The following GRHL2 variants were observed in gnomAD, a reference collection of about 807,000 sequenced individuals.
The protein encoded by GRHL2 is grainyhead like transcription factor 2.
GRHL2 carries 21 observed loss-of-function variants against 83.8 expected under a neutral mutation model. The observed-to-expected ratio is 0.25, with a 90% CI of 0.18 to 0.36. The LOEUF is 0.36. Ranked by LOEUF, GRHL2 falls within the 10% of genes least tolerant of loss-of-function variation. GRHL2 has a pLI of 1.00. For synonymous variants in GRHL2, 280 were observed against 278.9 expected (o/e 1.00, Z -0.04); for missense variants, 623 against 781.8 (o/e 0.80, Z 2.42).
intron 8 of GRHL2, among the ~76,000 whole-genome samples, chr8:101,611,183 T>C (rs1458768539): frequency 2.0e-5 from 3 of 151,118 alleles, no homozygotes; most frequent in Non-Finnish European, 2.9e-5. Flanking sequence ...TCACATATTA[T>C]GTCAGTGCTC....
At chr8:101,509,164 T>TTCTTTCTG in intron 1 of GRHL2, among the ~76,000 whole-genome samples, 1 of 110,380 alleles carries the variant, frequency 9.1e-6, no homozygotes, top group Non-Finnish European at 2.1e-5. Flanking sequence ...CTTCCTTTCT[T>TTCTTTCTG]TCTTTCTTTT....
intron 1 of GRHL2, among the ~76,000 whole-genome samples, chr8:101,497,994 A>G (rs923801721): frequency 1.3e-5 from 2 of 152,220 alleles, no homozygotes; most frequent in Non-Finnish European, 2.9e-5. Context: ...GCTGCAAAAG[A>G]ACTGATTTGA....
rs1429229736 is a variant in GRHL2 at position 101,632,258 on chromosome 8, CAGA to C, written c.1385_1387del (p.Lys462del). On this transcript the variant is annotated inframe_deletion, in exon 11 of 16. Transcript: ENST00000646743. Reference sequence around the variant, plus strand: ...TGGGAAGTTGGCTGCCATACCTTTACAGAAGAAGAGTGACATCACCTACTTCAA... The same window carrying C: ...TGGGAAGTTGGCTGCCATACCTTTACAGAAGAGTGACATCACCTACTTCAA... 6.2e-7 allele frequency: 1 copy of C among 1,614,028 alleles called. No homozygotes were observed. Among genetic ancestry groups the C allele is most frequent in the Non-Finnish European group, 8.5e-7 (1 of 1,179,926 alleles).
chr8:101,513,075 T>C (rs1296296906), intron 1 of GRHL2, among the ~76,000 whole-genome samples: 1 of 152,242 alleles, frequency 6.6e-6, no homozygotes, highest in African/African-American at 2.4e-5. Flanking sequence ...TTTCCCCTTG[T>C]TTTCTTAATA....
At position 101,492,558 on chromosome 8, in the gene GRHL2, G is replaced by T. The variant is rs768526692; in HGVS notation, c.-212G>T. 7.0e-5 allele frequency: 46 copies of T among 654,062 alleles called. No individual in the cohort carries two copies. In the East Asian group the frequency reaches 1.3e-3, roughly 18 times the overall value. 40.5% of individuals were successfully genotyped at this position (654,062 alleles called of 1,614,324 possible). ...TCCGAGCTCGGGCCCCATGTGAGGG[G>T]CCCCCCCTTATCCCACCTTTCCGGC... On this transcript the variant is annotated 5_prime_UTR_variant, in exon 1 of 16. Transcript: ENST00000646743.
chr8:101,577,498 A>G lies in GRHL2; in HGVS notation c.982A>G (p.Lys328Glu). 6.2e-7 allele frequency: 1 copy of G among 1,613,372 alleles called. No individual in the cohort carries two copies. The highest frequency in any genetic ancestry group is 8.5e-7 in the Non-Finnish European group (1 of 1,179,342). Residue 328 changes from lysine to glutamate, a missense_variant, in exon 7 of 16, where the codon AAG (lysine) becomes GAG (glutamate). Coordinates refer to ENST00000646743, the MANE Select transcript of GRHL2 (RefSeq NM_024915.4). The stretch of plus-strand genomic sequence containing the variant: ...CTGGCACTCTCGGCAGCATACGGCG[A>G]AGCAGAGGGTCCTTGACATTGGTAA... ...KYWHSRQHTA[K>E]QRVLDIADYK...
At chr8:101,496,160 A>G (rs1046579113) in intron 1 of GRHL2, among the ~76,000 whole-genome samples, 15 of 151,650 alleles carry the variant, frequency 9.9e-5, no homozygotes, top group African/African-American at 3.6e-4. Flanking sequence ...AAAAAAAAAA[A>G]AAAAATACAG....
intron 7 of GRHL2, among the ~76,000 whole-genome samples, chr8:101,589,107 A>T (rs1177933648): frequency 6.6e-6 from 1 of 152,194 alleles, no homozygotes; most frequent in Non-Finnish European, 1.5e-5. Flanking sequence ...GAGTGTCAGT[A>T]TATTAGACAA....
At chr8:101,656,905 C>G (rs961680186) in intron 14 of GRHL2, among the ~76,000 whole-genome samples, 14 of 149,798 alleles carry the variant, frequency 9.3e-5, no homozygotes, top group African/African-American at 3.0e-4. Context: ...CACACACACA[C>G]AGGCAATGAC....
chr8:101,676,454 G>A, the GRHL2 span, among the ~76,000 whole-genome samples: 1 of 151,998 alleles, frequency 6.6e-6, no homozygotes, highest in Non-Finnish European at 1.5e-5. Flanking sequence ...AAAAACACAT[G>A]AAAAAATGCT....
chr8:101,657,743 G>A (rs1201095743), intron 14 of GRHL2, among the ~76,000 whole-genome samples: 1 of 151,996 alleles, frequency 6.6e-6, no homozygotes, highest in Non-Finnish European at 1.5e-5. Context: ...AGGAGGCTGA[G>A]GCAGGAGAAT....
At position 101,599,773 on chromosome 8, in the gene GRHL2, A is replaced by G. The variant is rs373807321; in HGVS notation, c.1098+622A>G. Among the ~76,000 whole-genome samples, 26 of 152,288 alleles carry G rather than the reference A, an allele frequency of 1.7e-4. No homozygotes were observed. The South Asian group carries it at 5.4e-3, about 32-fold the overall frequency. ...CTGAGAAGAGACGTCCACCATTGCA[A>G]CGGTTTGGATAAAAGAAGGCAGAGT... is the stretch of plus-strand genomic sequence containing the variant. On this transcript the variant is annotated intron_variant, in intron 8 of 15. Transcript: ENST00000646743.
intron 9 of GRHL2, among the ~76,000 whole-genome samples, chr8:101,625,074 A>T (rs1198868165): frequency 6.6e-6 from 1 of 152,142 alleles, no homozygotes; most frequent in African/African-American, 2.4e-5. Flanking sequence ...ATAACAGATA[A>T]TTTTTTAAAG....
At chr8:101,583,612 G>A (rs1812102313) in intron 7 of GRHL2, among the ~76,000 whole-genome samples, 2 of 152,140 alleles carry the variant, frequency 1.3e-5, no homozygotes, top group South Asian at 2.1e-4. Context: ...GGACTTATTT[G>A]CACAGTGGAG....
intron 1 of GRHL2, among the ~76,000 whole-genome samples, chr8:101,535,082 G>C (rs1352584927): frequency 6.6e-6 from 1 of 152,212 alleles, no homozygotes; most frequent in African/African-American, 2.4e-5. Flanking sequence ...CTATGTGATA[G>C]GGCTGGTAAA....
intron 2 of GRHL2, among the ~76,000 whole-genome samples, chr8:101,548,725 C>A (rs1338153564): frequency 6.6e-6 from 1 of 152,084 alleles, no homozygotes; most frequent in African/African-American, 2.4e-5. Flanking sequence ...GTTTGTAAAG[C>A]CAAAGTTTCA....
chr8:101,574,543 G>A (rs1009773412), intron 6 of GRHL2, among the ~76,000 whole-genome samples: 8 of 152,242 alleles, frequency 5.3e-5, no homozygotes. Context: ...TTGGGTCCAT[G>A]ATGCCCAGCC....
chr8:101,609,631 A>G (rs911116340), intron 8 of GRHL2, among the ~76,000 whole-genome samples: 2 of 151,132 alleles, frequency 1.3e-5, no homozygotes, highest in African/African-American at 4.9e-5. Flanking sequence ...TTGTCATTCC[A>G]TATTTCATAC....
downstream of GRHL2, chr8:101,669,826 T>G (rs534439994): frequency 6.6e-6 from 1 of 152,364 alleles, no homozygotes; most frequent in East Asian, 1.9e-4. Context: ...CTGCCCACCC[T>G]GCCTTCAGGT....
Sources: allele counts gnomAD v4.1 joint callset (sites outside exome capture counted in the v4.1 genomes callset), GRCh38; gene constraint gnomAD v4.1.1; transcripts MANE v1.5; gene names NCBI Gene and HGNC (gene_info 2026-07-23, HGNC 2026-07-21).